GPC6: variants seen among roughly 807,000 people sequenced by gnomAD.
The protein encoded by GPC6 is glypican-6.
GPC6 carries 14 observed loss-of-function variants against 55.2 expected under a neutral mutation model. The observed-to-expected ratio is 0.25, with a 90% CI of 0.17 to 0.40. The LOEUF (loss-of-function observed/expected upper bound fraction) is 0.40, where lower values mean the gene tolerates loss of function less well. GPC6 is among the 10% of genes least tolerant of loss of function. The pLI is 1.00. For synonymous variants in GPC6, 278 were observed against 259.6 expected (o/e 1.07, Z -0.68); for missense variants, 641 against 708.5 (o/e 0.90, Z 1.08).
At chr13:93,578,887 C>G (rs1876800441) in intron 2 of GPC6, among the ~76,000 whole-genome samples, 1 of 151,812 alleles carries the variant, frequency 6.6e-6, no homozygotes, top group South Asian at 2.1e-4. Context: ...ATTGTTTTTC[C>G]ATTTTCATTT....
intron 2 of GPC6, among the ~76,000 whole-genome samples, chr13:93,726,103 TACACACACACACACACAC>T (rs71811304): frequency 5.4e-4 from 69 of 126,852 alleles, no homozygotes; most frequent in Admixed American, 1.3e-3. Context: ...TTTTCCTTCA[TACACACACACACACACAC>T]ACACACACAC....
rs545547166 is a variant in GPC6, at chr13:94,255,751, C to T, written c.878-30598C>T. On this transcript the variant is annotated intron_variant, in intron 4 of 8. Coordinates refer to ENST00000377047, the MANE Select transcript of GPC6 (RefSeq NM_005708.5). ...ATCAGCCAGGAGGGCTCTACAGCCT[C>T]GGAAGAACTTATCAGGAAAAGGATT... 1.1e-4 allele frequency among the ~76,000 whole-genome samples: 16 copies of T among 152,112 alleles called. No individual in the cohort carries two copies. The South Asian group carries it at 1.3e-3, about 12-fold the overall frequency.
chr13:93,378,766 C>T (rs1267030930), intron 1 of GPC6, among the ~76,000 whole-genome samples: 1 of 151,952 alleles, frequency 6.6e-6, no homozygotes. Context: ...GAGGCCGCAG[C>T]GGGTGGATCA....
At chr13:93,785,336 G>T (rs1448490881) in intron 2 of GPC6, among the ~76,000 whole-genome samples, 2 of 152,180 alleles carry the variant, frequency 1.3e-5, no homozygotes, top group African/African-American at 2.4e-5. Flanking sequence ...AAAAACTTCT[G>T]TAAGTTTTGA....
At chr13:93,237,357 TTG>T (rs979829184) in intron 1 of GPC6, among the ~76,000 whole-genome samples, 2 of 151,980 alleles carry the variant, frequency 1.3e-5, no homozygotes, top group African/African-American at 4.8e-5. Context: ...TTTTGCCCAT[TTG>T]TGTGTCTTCT....
chr13:94,129,908 C>A (rs1453909254), intron 4 of GPC6, among the ~76,000 whole-genome samples: 1 of 152,028 alleles, frequency 6.6e-6, no homozygotes, highest in South Asian at 2.1e-4. Flanking sequence ...TATAATGAAC[C>A]AGGCAGGGTC....
chr13:94,277,313 G>A (rs778880682), intron 4 of GPC6, among the ~76,000 whole-genome samples: 6 of 150,332 alleles, frequency 4.0e-5, no homozygotes, highest in Non-Finnish European at 8.9e-5. Context: ...TAAGTTCCTT[G>A]TAGGTTTTAG....
At chr13:94,097,577 A>G (rs1269525241) in intron 4 of GPC6, among the ~76,000 whole-genome samples, 1 of 152,042 alleles carries the variant, frequency 6.6e-6, no homozygotes, top group Non-Finnish European at 1.5e-5. Flanking sequence ...TTGCAGTATG[A>G]AAAGTTCTGG....
intron 4 of GPC6, among the ~76,000 whole-genome samples, chr13:94,204,430 C>A (rs1393168867): frequency 6.6e-6 from 1 of 152,090 alleles, no homozygotes; most frequent in Non-Finnish European, 1.5e-5. Context: ...AGTGTGACAA[C>A]AAAATACATA....
At chr13:93,404,198 TAAAAC>T (rs1415043062) in intron 1 of GPC6, among the ~76,000 whole-genome samples, 1 of 152,076 alleles carries the variant, frequency 6.6e-6, no homozygotes, top group African/African-American at 2.4e-5. Context: ...GACTAAAAAA[TAAAAC>T]AAACCAACTA....
chr13:94,028,010 A>G (rs1882969020), intron 4 of GPC6, 116 bp downstream of exon 4: 2 of 971,340 alleles, frequency 2.1e-6, no homozygotes, highest in Non-Finnish European at 3.2e-6. Context: ...CACATCTGTA[A>G]TCCCAGCACT....
At chr13:93,544,943 GTGT>G (rs930468740) in intron 1 of GPC6, among the ~76,000 whole-genome samples, 30 of 152,218 alleles carry the variant, frequency 2.0e-4, no homozygotes, top group African/African-American at 7.2e-4. Context: ...ATTACATCTT[GTGT>G]TGTTGTATCA....
chr13:93,328,135 T>G (rs1879721157), intron 1 of GPC6, among the ~76,000 whole-genome samples: 1 of 152,182 alleles, frequency 6.6e-6, no homozygotes, highest in Admixed American at 6.5e-5. Flanking sequence ...TTTGTAATTT[T>G]CTACCTCAGG....
intron 5 of GPC6, among the ~76,000 whole-genome samples, chr13:94,288,070 A>C (rs1344754575): frequency 1.3e-5 from 2 of 152,128 alleles, no homozygotes; most frequent in Admixed American, 6.5e-5. Flanking sequence ...ATGGCTTTGT[A>C]CTGGGGACAG....
At chr13:94,340,573 A>G (rs78422875) in intron 6 of GPC6, among the ~76,000 whole-genome samples, 7,266 of 152,276 alleles carry the variant, frequency 0.048, 247 homozygotes, top group East Asian at 0.093. Flanking sequence ...ATATATTGTG[A>G]TAGATACATG....
chr13:93,719,236 G>A (rs1314587453), intron 2 of GPC6, among the ~76,000 whole-genome samples: 1 of 152,018 alleles, frequency 6.6e-6, no homozygotes, highest in Non-Finnish European at 1.5e-5. Context: ...TTTTCCATTA[G>A]TTTGTGTCCT....
chr13:94,237,149 G>C (rs920960684), intron 4 of GPC6, among the ~76,000 whole-genome samples: 7 of 152,116 alleles, frequency 4.6e-5, no homozygotes, highest in Non-Finnish European at 1.0e-4. Context: ...AGAGGGGCAG[G>C]ACAAGAAGTG....
At chr13:93,940,217 TTTTAA>T (rs774663479) in intron 3 of GPC6, among the ~76,000 whole-genome samples, 10 of 152,302 alleles carry the variant, frequency 6.6e-5, no homozygotes, top group Non-Finnish European at 1.0e-4. Flanking sequence ...AATGCACTGT[TTTTAA>T]TTTAATAGAA....
intron 1 of GPC6, among the ~76,000 whole-genome samples, chr13:93,424,963 C>G (rs1466279418): frequency 6.6e-6 from 1 of 152,058 alleles, no homozygotes; most frequent in Admixed American, 6.6e-5. Flanking sequence ...ATGTTGTGCA[C>G]CTACCCCCAA....
Sources: allele counts gnomAD v4.1 joint callset (sites outside exome capture counted in the v4.1 genomes callset), GRCh38; gene constraint gnomAD v4.1.1; transcripts MANE v1.5; gene names NCBI Gene and HGNC (gene_info 2026-07-23, HGNC 2026-07-21).